SLC22A24: variants seen among roughly 807,000 people sequenced by gnomAD.
SLC22A24 encodes solute carrier family 22 member 24, also known as steroid transmembrane transporter SLC22A24.
A neutral mutation model predicts 49.8 loss-of-function variants in SLC22A24; 53 were observed. That is an observed-to-expected ratio of 1.06 (90% CI 0.85 to 1.34). SLC22A24 has a LOEUF of 1.34. SLC22A24 is among the 40% of genes most tolerant of loss of function. The pLI, the probability that SLC22A24 is intolerant of heterozygous loss-of-function variation, is 0.00. For synonymous variants in SLC22A24, 302 were observed against 256.4 expected (o/e 1.18, Z -1.70); for missense variants, 786 against 675.9 (o/e 1.16, Z -1.81).
At chr11:63,087,701 G>A (rs1264100071) in intron 6 of SLC22A24, among the ~76,000 whole-genome samples, 1 of 152,234 alleles carries the variant, frequency 6.6e-6, no homozygotes, top group African/African-American at 2.4e-5. Context: ...TGCCAGCGCA[G>A]TAGTCTGAAG....
intron 4 of SLC22A24, among the ~76,000 whole-genome samples, chr11:63,107,153 A>G (rs1359176664): frequency 6.6e-6 from 1 of 152,192 alleles, no homozygotes; most frequent in Non-Finnish European, 1.5e-5. Flanking sequence ...ACATATGGCT[A>G]GCCAGTTTTC....
chr11:63,128,360 C>A lies in SLC22A24; in HGVS notation c.506+6305G>T, dbSNP rs866909053. Among the ~76,000 whole-genome samples the A allele has an allele frequency of 9.9e-5, 15 of 152,124 alleles. No individual in the cohort carries two copies. In the South Asian group the frequency reaches 2.7e-3, roughly 27 times the overall value. On this transcript the variant is annotated intron_variant, in intron 2 of 9. Coordinates refer to ENST00000612278, the MANE Select transcript of SLC22A24 (RefSeq NM_001136506.2). ...CTAGCGGACCTTGGTCTAGTCGTAG[C>A]GTCAGTGCCTAGGAAAAGCACCCGC...
intron 2 of SLC22A24, among the ~76,000 whole-genome samples, chr11:63,126,163 A>G (rs951129378): frequency 9.2e-5 from 14 of 152,098 alleles, no homozygotes; most frequent in Non-Finnish European, 1.9e-4. Context: ...CTTTAGTTTA[A>G]TTAGATCCCA....
In SLC22A24 at chr11:63,143,979, C is replaced by T. The variant is rs1305869660; in HGVS notation, c.-200G>A. ...GAAGGACTTTCCCCAAGTCCTTTAA[C>T]TTTAGGCAGCCAAATAGTTTCAGAA... is the stretch of plus-strand genomic sequence containing the variant. On this transcript the variant is annotated 5_prime_UTR_variant, in exon 1 of 10. Coordinates refer to ENST00000612278, the MANE Select transcript of SLC22A24 (RefSeq NM_001136506.2). 2 of 396,792 alleles carry T rather than the reference C, an allele frequency of 5.0e-6. No individual in the cohort carries two copies. The highest frequency in any genetic ancestry group is 4.1e-5 in the African/African-American group (2 of 48,520). 24.6% of individuals were successfully genotyped at this position (396,792 alleles called of 1,614,324 possible).
chr11:63,086,721 T>G (rs2086988645), intron 6 of SLC22A24, among the ~76,000 whole-genome samples: 1 of 152,176 alleles, frequency 6.6e-6, no homozygotes, highest in African/African-American at 2.4e-5. Context: ...ATCCAAATCA[T>G]GAATTAGAAA....
rs1370586586 is a variant in SLC22A24 at position 63,104,245 on chromosome 11, C to T, written c.884G>A (p.Gly295Asp). 6.4e-7 allele frequency: 1 copy of T among 1,550,736 alleles called. No individual in the cohort carries two copies. The highest frequency in any genetic ancestry group is 8.7e-7 in the Non-Finnish European group (1 of 1,146,844). The change falls in exon 5 of 10, where the codon GGC becomes GAC. Residue 295 changes from glycine to aspartate, a missense_variant. Transcript: ENST00000612278. ...WLIINNQLDE[G>D]LKELRRVAHI... ...TGCAACTCTTCTAAGCTCCTTTAAGCCCTCATCTAGCTGATTGTTGATAAT... is the reference window on the plus strand; with the variant it reads ...TGCAACTCTTCTAAGCTCCTTTAAGTCCTCATCTAGCTGATTGTTGATAAT...
At chr11:63,136,890 A>C (rs1217095590) in intron 1 of SLC22A24, among the ~76,000 whole-genome samples, 2 of 152,182 alleles carry the variant, frequency 1.3e-5, no homozygotes, top group Non-Finnish European at 2.9e-5. Context: ...ACATGGGTTT[A>C]ATTGCAATGG....
At position 63,099,371 on chromosome 11, in the gene SLC22A24, A is replaced by ATTTTTTTTTTTTTTTTTTTTTTTT. The variant is rs56708217; in HGVS notation, c.955-3289_955-3266dup. Among the ~76,000 whole-genome samples, 28 of 52,336 alleles carry ATTTTTTTTTTTTTTTTTTTTTTTT rather than the reference A, an allele frequency of 5.4e-4. 3 individuals carry two copies. The highest frequency in any genetic ancestry group is 1.2e-3 in the Admixed American group (3 of 2,600). The allele number at this position is 52,336 out of a possible 152,430, so 34.3% of individuals were successfully genotyped here. A position where few individuals can be genotyped will look rare whatever the true frequency, so the allele number is the denominator to read the frequency against. On this transcript the variant is annotated intron_variant, in intron 5 of 9. Transcript: ENST00000612278. ...CCACCACACCTGGCTAATTTTTAAG[A>ATTTTTTTTTTTTTTTTTTTTTTTT]TTTTTTTTTTTTTTTTTTTTTTTTT...
At chr11:63,110,472 T>G (rs10897360) in intron 4 of SLC22A24, among the ~76,000 whole-genome samples, 1 of 142,026 alleles carries the variant, frequency 7.0e-6, no homozygotes, top group Non-Finnish European at 1.5e-5. Context: ...GATTCTTCCT[T>G]CCCATGAGCA....
intron 9 of SLC22A24, 69 bp downstream of exon 9, chr11:63,080,851 C>T (rs1205449604): frequency 2.9e-6 from 4 of 1,374,476 alleles, no homozygotes; most frequent in Middle Eastern, 2.5e-4. Context: ...TGGTCGTTGA[C>T]CTTTCTCATT....
At chr11:63,142,451 G>A (rs1029627807) in intron 1 of SLC22A24, among the ~76,000 whole-genome samples, 2 of 152,140 alleles carry the variant, frequency 1.3e-5, no homozygotes, top group South Asian at 2.1e-4. Context: ...GCATTCCTGG[G>A]CATAGGCTGA....
intron 1 of SLC22A24, among the ~76,000 whole-genome samples, chr11:63,139,447 CTAGGTAGGAAATATACCT>C (rs1327183318): frequency 6.6e-6 from 1 of 152,132 alleles, no homozygotes; most frequent in Non-Finnish European, 1.5e-5. Context: ...TGTGTAATAA[CTAGGTAGGAAATATACCT>C]TAGGGGATGG....
intron 4 of SLC22A24, among the ~76,000 whole-genome samples, chr11:63,108,814 CTT>C (rs974871676): frequency 7.0e-6 from 1 of 143,226 alleles, no homozygotes; most frequent in African/African-American, 2.6e-5. Flanking sequence ...CTATTTGATT[CTT>C]TTTTTTTTCC....
chr11:63,115,577 G>C (rs913484394), intron 4 of SLC22A24, among the ~76,000 whole-genome samples: 16 of 152,108 alleles, frequency 1.1e-4, no homozygotes, highest in Non-Finnish European at 1.6e-4. Flanking sequence ...TGCACCCACT[G>C]TCCAAGCAGT....
At chr11:63,115,042 C>T (rs946257591) in intron 4 of SLC22A24, among the ~76,000 whole-genome samples, 3 of 152,208 alleles carry the variant, frequency 2.0e-5, no homozygotes, top group African/African-American at 7.2e-5. Flanking sequence ...GAGGAGGCAG[C>T]CTGTCCATTC....
At chr11:63,110,203 C>G (rs2134657426) in intron 4 of SLC22A24, among the ~76,000 whole-genome samples, 1 of 151,548 alleles carries the variant, frequency 6.6e-6, no homozygotes, top group Admixed American at 6.6e-5. Flanking sequence ...TTCCATTGAT[C>G]TATATCTCTG....
intron 1 of SLC22A24, among the ~76,000 whole-genome samples, chr11:63,138,844 T>TC (rs367895314): frequency 6.6e-6 from 1 of 151,400 alleles, no homozygotes; most frequent in Non-Finnish European, 1.5e-5. Context: ...TAAGGTTTTT[T>TC]CCCCCCCATG....
At chr11:63,086,204 A>G (rs1469140635) in intron 6 of SLC22A24, among the ~76,000 whole-genome samples, 1 of 152,214 alleles carries the variant, frequency 6.6e-6, no homozygotes, top group African/African-American at 2.4e-5. Context: ...CCAAAGGAAT[A>G]TAAATCATTC....
intron 2 of SLC22A24, among the ~76,000 whole-genome samples, chr11:63,126,359 T>A (rs2087290878): frequency 6.6e-6 from 1 of 152,220 alleles, no homozygotes; most frequent in Admixed American, 6.5e-5. Context: ...AGAGGTCCAG[T>A]TTCAATTTTC....
Sources: allele counts gnomAD v4.1 joint callset (sites outside exome capture counted in the v4.1 genomes callset), GRCh38; gene constraint gnomAD v4.1.1; transcripts MANE v1.5; gene names NCBI Gene and HGNC (gene_info 2026-07-23, HGNC 2026-07-21).